The following NEXMIF variants were observed in gnomAD, a reference collection of about 807,000 sequenced individuals.
The protein encoded by NEXMIF is XLMR protein related to neurite extension.
NEXMIF carries 8 observed loss-of-function variants against 62.1 expected under a neutral mutation model. That is an observed-to-expected ratio of 0.13 (90% confidence interval 0.08 to 0.23). The LOEUF (loss-of-function observed/expected upper bound fraction) is 0.23, where lower values mean the gene tolerates loss of function less well. Ranked by LOEUF, NEXMIF falls within the 10% of genes least tolerant of loss-of-function variation. NEXMIF has a pLI of 1.00. For synonymous variants in NEXMIF, 404 were observed against 416.6 expected (o/e 0.97, Z 0.37); for missense variants, 976 against 1,113.3 (o/e 0.88, Z 1.75).
intron 1 of NEXMIF, among the ~76,000 whole-genome samples, chrX:74,774,703 C>T (rs1357867158): frequency 9.0e-6 from 1 of 111,224 alleles, no homozygotes; most frequent in Non-Finnish European, 1.9e-5. Context: ...TATTACATAG[C>T]CTCTTTCCTC....
At chrX:74,835,998 G>T (rs2080455220) in intron 1 of NEXMIF, among the ~76,000 whole-genome samples, 1 of 112,682 alleles carries the variant, frequency 8.9e-6, no homozygotes, top group African/African-American at 3.2e-5. Context: ...ATGACATGCA[G>T]TCTTTCCCAC....
chrX:74,842,506 C>A lies in NEXMIF; in HGVS notation c.-48+82377G>T, dbSNP rs1211044006. Among the ~76,000 whole-genome samples the A allele has an allele frequency of 2.7e-5, 3 of 111,358 alleles. No homozygotes were observed. The East Asian group carries it at 8.5e-4, about 32-fold the overall frequency. ...TCTGATTTTTTTTATTTCTTGTCTT[C>A]TGCGAGCTTTGGAGTTGATTTGTTC... On this transcript the variant is annotated intron_variant, in intron 1 of 3. Transcript: ENST00000055682.
Position 74,780,575 on chromosome X carries a change from C to T in NEXMIF, c.-47-34878G>A, listed in dbSNP as rs1209272561. On this transcript the variant is annotated intron_variant, in intron 1 of 3. Coordinates refer to ENST00000055682, the MANE Select transcript of NEXMIF (RefSeq NM_001008537.3). ...TATTTTCTCTAGAGATGGGGTTTCG[C>T]TATGTTGCCCAGACTGGTCTCTAAC... Among the ~76,000 whole-genome samples the T allele has an allele frequency of 4.6e-5, 5 of 108,271 alleles. No homozygotes were observed. In the East Asian group the frequency reaches 1.5e-3, roughly 32 times the overall value. The allele number at this position is 108,271 out of a possible 115,157, so 94.0% of individuals were successfully genotyped here.
At chrX:74,903,482 A>C (rs1243683702) in intron 1 of NEXMIF, among the ~76,000 whole-genome samples, 1 of 110,392 alleles carries the variant, frequency 9.1e-6, no homozygotes, top group Non-Finnish European at 1.9e-5. Flanking sequence ...GAATTGAAAA[A>C]TTGAAACTGG....
At chrX:74,883,410 T>A (rs1418148533) in intron 1 of NEXMIF, among the ~76,000 whole-genome samples, 1 of 110,865 alleles carries the variant, frequency 9.0e-6, no homozygotes, top group South Asian at 3.8e-4. Flanking sequence ...AAAAATTAGA[T>A]GAATGGATAA....
chrX:74,767,261 T>C (rs926921044), intron 1 of NEXMIF, among the ~76,000 whole-genome samples: 1 of 112,490 alleles, frequency 8.9e-6, no homozygotes, highest in African/African-American at 3.2e-5. Flanking sequence ...CACTTTTCAA[T>C]AGGGCTGAGA....
intron 1 of NEXMIF, among the ~76,000 whole-genome samples, chrX:74,760,841 G>GATTT (rs74679235): frequency 0.02 from 1,808 of 89,435 alleles, 34 homozygotes; most frequent in African/African-American, 0.05. Flanking sequence ...TTGGCCCTAA[G>GATTT]ATTTATTTAT....
intron 1 of NEXMIF, among the ~76,000 whole-genome samples, chrX:74,783,604 A>G (rs1173911194): frequency 8.9e-6 from 1 of 111,735 alleles, no homozygotes; most frequent in Non-Finnish European, 1.9e-5. Context: ...TCCAACGTAA[A>G]GGGTAAAAGA....
chrX:74,897,009 G>C, intron 1 of NEXMIF, among the ~76,000 whole-genome samples: 1 of 112,123 alleles, frequency 8.9e-6, no homozygotes, highest in East Asian at 2.8e-4. Flanking sequence ...ATACAAAAAT[G>C]ATTTTGATTT....
At chrX:74,919,845 A>C in intron 1 of NEXMIF, among the ~76,000 whole-genome samples, 1 of 110,343 alleles carries the variant, frequency 9.1e-6, no homozygotes, top group East Asian at 3.0e-4. Context: ...CTCATTGTTC[A>C]ATTCCCACCT....
In NEXMIF at chrX:74,736,958, G is replaced by A. The variant is rs914267703; in HGVS notation, c.*2447C>T. ...ACTTATGATAGCAAGTTCTCACAAG[G>A]AAATTGTTTCCAACAGTTTCAGGCT... On this transcript the variant is annotated 3_prime_UTR_variant, in exon 4 of 4. Coordinates refer to ENST00000055682, the MANE Select transcript of NEXMIF (RefSeq NM_001008537.3). 9 of 111,631 alleles carry A rather than the reference G, an allele frequency of 8.1e-5. No individual in the cohort carries two copies. The highest frequency in any genetic ancestry group is 1.7e-4 in the Non-Finnish European group (9 of 53,051). The allele number at this position is 111,631 out of a possible 1,213,427, so 9.2% of individuals were successfully genotyped here.
chrX:74,746,636 C>A (rs190240612), intron 1 of NEXMIF, among the ~76,000 whole-genome samples: 57 of 112,039 alleles, frequency 5.1e-4, no homozygotes, highest in Admixed American at 4.9e-3. Context: ...CTAATGCATG[C>A]AATATACTCT....
chrX:74,819,060 C>G (rs1414899037), intron 1 of NEXMIF, among the ~76,000 whole-genome samples: 8 of 111,653 alleles, frequency 7.2e-5, no homozygotes, highest in African/African-American at 2.6e-4. Flanking sequence ...CTTTGACAAA[C>G]CTTACAAAAA....
chrX:74,801,302 T>C (rs1393115986), intron 1 of NEXMIF, among the ~76,000 whole-genome samples: 3 of 112,152 alleles, frequency 2.7e-5, no homozygotes, highest in Non-Finnish European at 3.8e-5. Flanking sequence ...TTTTTGTGGA[T>C]GCAAGTTTTC....
rs779343012 is a variant in NEXMIF, at chrX:74,802,990, C to A, written c.-47-57293G>T. 4.2e-4 allele frequency among the ~76,000 whole-genome samples: 46 copies of A among 109,938 alleles called. No individual in the cohort carries two copies. The Middle Eastern group carries it at 0.019, about 44-fold the overall frequency. Reference sequence around the variant, plus strand: ...AAGGAAGAATTTGTGAGCTCGAAGACAGGCTATTTGAAAATACACAGTCAG... The same window carrying A: ...AAGGAAGAATTTGTGAGCTCGAAGAAAGGCTATTTGAAAATACACAGTCAG... On this transcript the variant is annotated intron_variant, in intron 1 of 3. Coordinates refer to ENST00000055682, the MANE Select transcript of NEXMIF (RefSeq NM_001008537.3).
intron 1 of NEXMIF, among the ~76,000 whole-genome samples, chrX:74,885,778 A>C (rs1233693507): frequency 5.4e-5 from 6 of 111,760 alleles, no homozygotes; most frequent in African/African-American, 2.0e-4. Flanking sequence ...AAAAGAGGGA[A>C]TCCTCCCTAA....
chrX:74,885,627 A>C (rs1386542340), intron 1 of NEXMIF, among the ~76,000 whole-genome samples: 2 of 111,664 alleles, frequency 1.8e-5, no homozygotes, highest in Non-Finnish European at 3.8e-5. Context: ...TAGACCAATA[A>C]CAGGATCTGA....
At chrX:74,761,643 T>C (rs1281417866) in intron 1 of NEXMIF, among the ~76,000 whole-genome samples, 3 of 111,466 alleles carry the variant, frequency 2.7e-5, no homozygotes, top group Admixed American at 9.6e-5. Context: ...TAGTGGCTTA[T>C]CTATCTTAAT....
chrX:74,880,221 C>G (rs2080657404), intron 1 of NEXMIF, among the ~76,000 whole-genome samples: 2 of 111,992 alleles, frequency 1.8e-5, no homozygotes, highest in Admixed American at 1.9e-4. Flanking sequence ...ACTCTCTACA[C>G]CCCAGTGGAG....
Sources: gnomAD v4.1 joint callset for allele counts (sites outside exome capture counted in the v4.1 genomes callset) on GRCh38, gnomAD v4.1.1 for gene constraint, MANE v1.5 for transcripts, NCBI Gene and HGNC (gene_info 2026-07-23, HGNC 2026-07-21) for gene names.